Variants in SPHK1 observed in about 807,000 individuals in gnomAD.
SPHK1 encodes the protein SK 1.
Under a neutral mutation model 14.6 loss-of-function variants are expected in SPHK1, and 10 were observed. The observed-to-expected ratio is 0.68, with a 90% CI of 0.42 to 1.16. The LOEUF is 1.16. Among genes scored for constraint, SPHK1 ranks in the 50% most tolerant of loss-of-function variants. The probability of loss-of-function intolerance (pLI) is 0.00; values close to 1 mark genes in which losing one functional copy is unlikely to be tolerated. For missense variants in SPHK1, 553 were observed against 525.4 expected, an observed-to-expected ratio of 1.05 and a Z score of -0.51; for synonymous variants, 274 against 224.0, an observed-to-expected ratio of 1.22 and a Z score of -1.99.
At position 76,386,868 on chromosome 17, in the gene SPHK1, T is replaced by G. The variant is rs1326698066; in HGVS notation, c.437T>G (p.Leu146Arg). The part of the protein sequence containing the change: ...TNCTLLLCRR[L>R]LSPMNLLSLH... ...TGCACGCTATTGCTGTGCCGCCGGC[T>G]GCTGTCACCCATGAACCTGCTGTCT... Residue 146 changes from leucine to arginine, a missense_variant, in exon 6 of 6, where the codon CTG (leucine) becomes CGG (arginine). By Grantham distance (102) the Leu-to-Arg change is moderately radical (BLOSUM62 -2). Coordinates refer to ENST00000592299, the MANE Select transcript of SPHK1 (RefSeq NM_001142601.2). The surrounding 1 kb of genome is among the most constrained non-coding windows in gnomAD (Gnocchi z 5.3). 6.2e-7 allele frequency: 1 copy of G among 1,603,276 alleles called. No individual in the cohort carries two copies. The highest frequency in any genetic ancestry group is 2.2e-5 in the East Asian group (1 of 44,648).
At position 76,385,044 on chromosome 17, in the gene SPHK1, A is replaced by C. The variant is rs2071937467; in HGVS notation, c.-195+238A>C. On this transcript the variant is annotated intron_variant, in intron 1 of 5. Transcript: ENST00000592299. This position sits in a 1 kb window ranked among gnomAD's most constrained non-coding sequence, Gnocchi z 5.3. ...CTCCCACCGCTCTGGAGCTCCGGGC[A>C]GGGGACACGGCAACCTGGATGGCTG... 2.0e-6 allele frequency: 3 copies of C among 1,525,970 alleles called. No homozygotes were observed. 94.5% of individuals were successfully genotyped at this position (1,525,970 alleles called of 1,614,324 possible). A position where few individuals can be genotyped will look rare whatever the true frequency, so the allele number is the denominator to read the frequency against.
rs753394480 is a variant in SPHK1 at position 76,386,421 on chromosome 17, A to C, written c.287A>C (p.Asp96Ala). ...EVVNGLMERP[D>A]WETAIQKPLC... ...GTGAACGGGCTCATGGAGCGGCCTG[A>C]CTGGGAGACCGCCATCCAGAAGCCC... The change falls in exon 5 of 6, where the codon GAC (aspartate) becomes GCC (alanine). Residue 96 changes from aspartate (D) to alanine (A), a missense_variant. By Grantham distance (126) the Asp-to-Ala change is moderately radical. Transcript: ENST00000592299. The surrounding 1 kb of genome is among the most constrained non-coding windows in gnomAD (Gnocchi z 5.3). 3 of 1,612,760 alleles carry C rather than the reference A, an allele frequency of 1.9e-6. No individual in the cohort carries two copies. The East Asian group carries it at 6.7e-5, about 36-fold the overall frequency.
chr17:76,385,274 C>G lies in SPHK1; in HGVS notation c.-194-177C>G. ...AGAAAGCCCCGGAGCAGGCGCCCTTCTCAGGGATTGTAGGCTTAGTCACAC... is the reference window on the plus strand; with the variant it reads ...AGAAAGCCCCGGAGCAGGCGCCCTTGTCAGGGATTGTAGGCTTAGTCACAC... On this transcript the variant is annotated intron_variant, in intron 1 of 5. Transcript: ENST00000592299. This position sits in a 1 kb window ranked among gnomAD's most constrained non-coding sequence, Gnocchi z 5.3. The G allele has an allele frequency of 1.3e-6, 2 of 1,503,530 alleles. No homozygotes were observed. The highest frequency in any genetic ancestry group is 1.8e-6 in the Non-Finnish European group (2 of 1,124,578). The allele number at this position is 1,503,530 out of a possible 1,614,324, so 93.1% of individuals were successfully genotyped here.
In SPHK1 at chr17:76,385,154, C is replaced by A. The variant is rs1438510562; in HGVS notation, c.-194-297C>A. 1 of 1,595,210 alleles carries A rather than the reference C, an allele frequency of 6.3e-7. No homozygotes were observed. Among genetic ancestry groups the A allele is most frequent in the Non-Finnish European group, 8.5e-7 (1 of 1,172,328 alleles). ...TTTACGCAGCTGGACTCCCCTCCCC[C>A]TGGCAGCCCCGAGGGGTGAGGAGCT... On this transcript the variant is annotated intron_variant, in intron 1 of 5. Coordinates refer to ENST00000592299, the MANE Select transcript of SPHK1 (RefSeq NM_001142601.2). The surrounding 1 kb of genome is among the most constrained non-coding windows in gnomAD (Gnocchi z 5.3).
upstream of SPHK1, chr17:76,384,191 G>C (rs2071917638): frequency 6.2e-6 from 1 of 160,492 alleles, no homozygotes; most frequent in Non-Finnish European, 1.4e-5. Context: ...GGGCGAGGTC[G>C]TGGCGTCGAG....
At position 76,385,136 on chromosome 17, in the gene SPHK1, A is replaced by C; in HGVS notation, c.-194-315A>C. On this transcript the variant is annotated intron_variant, in intron 1 of 5. Coordinates refer to ENST00000592299, the MANE Select transcript of SPHK1 (RefSeq NM_001142601.2). The surrounding 1 kb of genome is among the most constrained non-coding windows in gnomAD (Gnocchi z 5.3). ...CGCTCAAGTTCTGGGATTTTTACGC[A>C]GCTGGACTCCCCTCCCCCTGGCAGC... The C allele has an allele frequency of 6.3e-7, 1 of 1,593,464 alleles. No homozygotes were observed. Among genetic ancestry groups the C allele is most frequent in the Non-Finnish European group, 8.5e-7 (1 of 1,171,264 alleles).
chr17:76,385,288 G>A lies in SPHK1; in HGVS notation c.-194-163G>A, dbSNP rs1156775742. On this transcript the variant is annotated intron_variant, in intron 1 of 5. Coordinates refer to ENST00000592299, the MANE Select transcript of SPHK1 (RefSeq NM_001142601.2). This position sits in a 1 kb window ranked among gnomAD's most constrained non-coding sequence, Gnocchi z 5.3. The stretch of plus-strand genomic sequence containing the variant: ...CAGGCGCCCTTCTCAGGGATTGTAG[G>A]CTTAGTCACACGGCGGGGGCGCCCT... 3 of 1,479,828 alleles carry A rather than the reference G, an allele frequency of 2.0e-6. No homozygotes were observed. The highest frequency in any genetic ancestry group is 1.4e-5 in the African/African-American group (1 of 70,328). 91.7% of individuals were successfully genotyped at this position (1,479,828 alleles called of 1,614,324 possible). A position where few individuals can be genotyped will look rare whatever the true frequency, so the allele number is the denominator to read the frequency against.
upstream of SPHK1, chr17:76,383,540 G>GCGGGTGGGGC (rs1371018333): frequency 3.7e-6 from 1 of 273,496 alleles, no homozygotes; most frequent in Non-Finnish European, 7.3e-6. Flanking sequence ...GTGTGTGGGG[G>GCGGGTGGGGC]CGGGTGGGGC....
upstream of SPHK1, chr17:76,383,634 G>A: frequency 3.0e-6 from 1 of 336,448 alleles, no homozygotes; most frequent in South Asian, 2.1e-5. Context: ...GTCACCAATG[G>A]GCCTTGGCAA....
Position 76,387,527 on chromosome 17 carries a change from G to A in SPHK1, c.1096G>A (p.Val366Met), listed in dbSNP as rs137909429. 20 of 1,610,814 alleles carry A rather than the reference G, an allele frequency of 1.2e-5. No homozygotes were observed. Among genetic ancestry groups the A allele is most frequent in the East Asian group, 6.7e-5 (3 of 44,834 alleles). ...PNYFWMVSGC[V>M]EPPPSWKPQQ... ...CTACTTCTGGATGGTCAGCGGTTGC[G>A]TGGAGCCCCCGCCCAGCTGGAAGCC... is the stretch of plus-strand genomic sequence containing the variant. The change falls in exon 6 of 6, where the codon GTG (valine) becomes ATG (methionine). Residue 366 changes from valine (V) to methionine (M), a missense_variant. Val to Met is a conservative substitution (Grantham distance 21). Coordinates refer to ENST00000592299, the MANE Select transcript of SPHK1 (RefSeq NM_001142601.2). The surrounding 1 kb of genome is among the most constrained non-coding windows in gnomAD (Gnocchi z 4.1).
At position 76,385,006 on chromosome 17, in the gene SPHK1, GCGCGCGCCGCGGCTCCCAC is replaced by G; in HGVS notation, c.-195+204_-195+222del. The stretch of plus-strand genomic sequence containing the variant: ...TCGCAACGGAGCGGGGCCCTGAGAA[GCGCGCGCCGCGGCTCCCAC>G]CGCTCTGGAGCTCCGGGCAGGGGAC... On this transcript the variant is annotated intron_variant, in intron 1 of 5. Coordinates refer to ENST00000592299, the MANE Select transcript of SPHK1 (RefSeq NM_001142601.2). The surrounding 1 kb of genome is among the most constrained non-coding windows in gnomAD (Gnocchi z 5.3). 1 of 1,397,282 alleles carries G rather than the reference GCGCGCGCCGCGGCTCCCAC, an allele frequency of 7.2e-7. No homozygotes were observed. Among genetic ancestry groups the G allele is most frequent in the Non-Finnish European group, 9.7e-7 (1 of 1,035,746 alleles). The allele number at this position is 1,397,282 out of a possible 1,614,324, so 86.6% of individuals were successfully genotyped here.
rs1223493063 is a variant in SPHK1 at position 76,387,834 on chromosome 17, T to A, written c.*248T>A. The A allele has an allele frequency of 1.2e-5, 6 of 482,228 alleles. No individual in the cohort carries two copies. Among genetic ancestry groups the A allele is most frequent in the Non-Finnish European group, 2.2e-5 (6 of 273,776 alleles). The allele number at this position is 482,228 out of a possible 1,614,324, so 29.9% of individuals were successfully genotyped here. A position where few individuals can be genotyped will look rare whatever the true frequency, so the allele number is the denominator to read the frequency against. On this transcript the variant is annotated 3_prime_UTR_variant, in exon 6 of 6. Coordinates refer to ENST00000592299, the MANE Select transcript of SPHK1 (RefSeq NM_001142601.2). This position sits in a 1 kb window ranked among gnomAD's most constrained non-coding sequence, Gnocchi z 4.1. Reference sequence around the variant, plus strand: ...TGAGACCCCCACCCCACGAACCAAATCCAAATAAAGTGACATTCCCAGCCT... The same window carrying A: ...TGAGACCCCCACCCCACGAACCAAAACCAAATAAAGTGACATTCCCAGCCT...
upstream of SPHK1, chr17:76,383,904 C>T: frequency 8.2e-7 from 1 of 1,215,296 alleles, no homozygotes; most frequent in South Asian, 1.4e-5. Context: ...ACTGTCAAGC[C>T]TCCTCTCCGG....
At position 76,386,259 on chromosome 17, in the gene SPHK1, G is replaced by T; in HGVS notation, c.202G>T (p.Glu68Ter). ...CGCGCGGGAGCTGGTGCGGTCGGAG[G>T]AGCTGGGCCGCTGGGACGCTCTGGT... Reference protein sequence around the residue: ...NHARELVRSEELGRWDALVVM... With the variant: ...NHARELVRSE Residue 68 changes from glutamate (E) to a stop codon, truncating the protein, a stop_gained, in exon 4 of 6, where the codon GAG becomes TAG. Coordinates refer to ENST00000592299, the MANE Select transcript of SPHK1 (RefSeq NM_001142601.2). LOFTEE classifies it high-confidence loss of function. The surrounding 1 kb of genome is among the most constrained non-coding windows in gnomAD (Gnocchi z 5.3). The T allele has an allele frequency of 6.3e-7, 1 of 1,596,242 alleles. No individual in the cohort carries two copies.
At position 76,384,812 on chromosome 17, in the gene SPHK1, G is replaced by C. The variant is rs1026635813; in HGVS notation, c.-195+6G>C. On this transcript the variant is annotated splice_donor_region_variant and intron_variant, in intron 1 of 5. Transcript: ENST00000592299. ...CAGCAAACCGGACCGACTGGGTAGG[G>C]CCGCCCACCCTGCCTTCGCGCCGCT... 5.5e-5 allele frequency: 17 copies of C among 307,030 alleles called. No homozygotes were observed. Among genetic ancestry groups the C allele is most frequent in the African/African-American group, 3.8e-4 (17 of 44,944 alleles). The allele number at this position is 307,030 out of a possible 1,614,324, so 19.0% of individuals were successfully genotyped here.
In SPHK1 at chr17:76,386,853, T is replaced by C; in HGVS notation, c.422T>C (p.Leu141Ser). The change falls in exon 6 of 6, where the codon TTG becomes TCG. Residue 141 changes from leucine to serine, a missense_variant. Physicochemically the swap from Leu to Ser is moderately radical, Grantham distance 145. Coordinates refer to ENST00000592299, the MANE Select transcript of SPHK1 (RefSeq NM_001142601.2). This position sits in a 1 kb window ranked among gnomAD's most constrained non-coding sequence, Gnocchi z 5.3. Reference protein sequence around the residue: ...NEDLLTNCTLLLCRRLLSPMN... With the variant: ...NEDLLTNCTLSLCRRLLSPMN... ...GACCTCCTGACCAACTGCACGCTAT[T>C]GCTGTGCCGCCGGCTGCTGTCACCC... is the stretch of plus-strand genomic sequence containing the variant. 6.3e-7 allele frequency: 1 copy of C among 1,593,920 alleles called. No homozygotes were observed. Among genetic ancestry groups the C allele is most frequent in the Non-Finnish European group, 8.6e-7 (1 of 1,168,598 alleles).
rs1477849112 is a variant in SPHK1 at position 76,386,103 on chromosome 17, T to C, written c.129T>C (p.Ala43=). ...LFRSHVQPLL[A]EAEISFTLML... is the part of the protein sequence containing the mutation. ...GGAGTCACGTGCAGCCCCTTTTGGCTGAGGCTGAAATCTCCTTCACGCTGA... is the reference window on the plus strand; with the variant it reads ...GGAGTCACGTGCAGCCCCTTTTGGCCGAGGCTGAAATCTCCTTCACGCTGA... The change falls in exon 3 of 6, where the codon GCT becomes GCC. Residue 43 remains alanine (A), a synonymous_variant. Coordinates refer to ENST00000592299, the MANE Select transcript of SPHK1 (RefSeq NM_001142601.2). The surrounding 1 kb of genome is among the most constrained non-coding windows in gnomAD (Gnocchi z 5.3). The C allele has an allele frequency of 1.2e-6, 2 of 1,601,630 alleles. No individual in the cohort carries two copies. Among genetic ancestry groups the C allele is most frequent in the Non-Finnish European group, 1.7e-6 (2 of 1,173,314 alleles).
chr17:76,385,084 T>C lies in SPHK1; in HGVS notation c.-195+278T>C, dbSNP rs2071938958. On this transcript the variant is annotated intron_variant, in intron 1 of 5. Coordinates refer to ENST00000592299, the MANE Select transcript of SPHK1 (RefSeq NM_001142601.2). This position sits in a 1 kb window ranked among gnomAD's most constrained non-coding sequence, Gnocchi z 5.3. ...CTGGATGGCTGGGGCAGGGATCCTC[T>C]CCCAGAACTTCGTGCCCAGCAATGT... 1 of 1,552,100 alleles carries C rather than the reference T, an allele frequency of 6.4e-7. No individual in the cohort carries two copies. Among genetic ancestry groups the C allele is most frequent in the East Asian group, 2.4e-5 (1 of 41,492 alleles).
rs62084960 is a variant in SPHK1, at chr17:76,386,615, C to T, written c.374+107C>T. The T allele has an allele frequency of 1.4e-3, 1,693 of 1,246,330 alleles. 2 individuals are homozygous for T. Among genetic ancestry groups the T allele is most frequent in the Non-Finnish European group, 1.8e-3 (1,585 of 904,550 alleles). 77.2% of individuals were successfully genotyped at this position (1,246,330 alleles called of 1,614,324 possible). On this transcript the variant is annotated intron_variant, in intron 5 of 5. Coordinates refer to ENST00000592299, the MANE Select transcript of SPHK1 (RefSeq NM_001142601.2). This position sits in a 1 kb window ranked among gnomAD's most constrained non-coding sequence, Gnocchi z 5.3. ...GCTGAGATCATTTCCATTTCCCCTT[C>T]TCCCTTAGTCCTGGGGCCCTCTCCT...
Sources: allele counts gnomAD v4.1 joint callset, GRCh38; gene constraint gnomAD v4.1.1; non-coding constraint Gnocchi (gnomAD v3.1); transcripts MANE v1.5; gene names NCBI Gene and HGNC (gene_info 2026-07-23, HGNC 2026-07-21).